Variants in KCNMB2 observed in about 807,000 individuals in gnomAD.
KCNMB2 encodes calcium-activated potassium channel subunit beta-2.
KCNMB2 carries 9 observed loss-of-function variants against 24.5 expected under a neutral mutation model. The ratio of observed to expected loss-of-function variants is 0.37; its 90% CI spans 0.22 to 0.64. KCNMB2 has a LOEUF of 0.64. Among genes scored for constraint, KCNMB2 ranks in the 30% least tolerant of loss-of-function variants. The pLI, the probability that KCNMB2 is intolerant of heterozygous loss-of-function variation, is 0.63. For missense variants in KCNMB2, 226 were observed against 284.3 expected (o/e 0.79, Z 1.47); for synonymous variants, 109 against 104.4 (o/e 1.04, Z -0.27).
intron 1 of KCNMB2, among the ~76,000 whole-genome samples, chr3:178,644,183 G>C (rs1231608486): frequency 6.6e-6 from 1 of 152,200 alleles, no homozygotes; most frequent in Non-Finnish European, 1.5e-5. Context: ...TTCCCAAGAA[G>C]GTGGTGCTTG....
At chr3:178,607,653 A>T (rs2169626) in intron 1 of KCNMB2, among the ~76,000 whole-genome samples, 2 of 143,328 alleles carry the variant, frequency 1.4e-5, no homozygotes, top group Non-Finnish European at 3.0e-5. Context: ...GTGTGTGTGT[A>T]TGTGTGCATA....
intron 1 of KCNMB2, among the ~76,000 whole-genome samples, chr3:178,608,239 G>A (rs982168279): frequency 6.6e-6 from 1 of 152,166 alleles, no homozygotes; most frequent in African/African-American, 2.4e-5. Context: ...GGATGCAAGA[G>A]CATTTTATAA....
In KCNMB2 at chr3:178,844,029, A is replaced by T. The variant is rs931903515; in HGVS notation, c.*1092A>T. On this transcript the variant is annotated 3_prime_UTR_variant, in exon 5 of 5. Transcript: ENST00000452583. ...TTTTGTTGTTATATTTTATACACAG[A>T]ATAGATCTTTTTTCTAACACATATT... 1 of 152,566 alleles carries T rather than the reference A, an allele frequency of 6.6e-6. No homozygotes were observed. Among genetic ancestry groups the T allele is most frequent in the African/African-American group, 2.4e-5 (1 of 41,456 alleles). 9.5% of individuals were successfully genotyped at this position (152,566 alleles called of 1,614,324 possible).
intron 1 of KCNMB2, among the ~76,000 whole-genome samples, chr3:178,555,273 T>G (rs1350655232): frequency 6.6e-6 from 1 of 152,232 alleles, no homozygotes; most frequent in Non-Finnish European, 1.5e-5. Context: ...GCAAAAAATT[T>G]TCTTCCCTGT....
At chr3:178,722,584 T>C (rs1440419608) in intron 1 of KCNMB2, among the ~76,000 whole-genome samples, 2 of 152,160 alleles carry the variant, frequency 1.3e-5, no homozygotes, top group African/African-American at 4.8e-5. Flanking sequence ...CCCTCATATA[T>C]TAGTCACCTC....
At chr3:178,692,268 T>TTTGCTTTTGTTGCAA (rs1347527044) in intron 1 of KCNMB2, among the ~76,000 whole-genome samples, 1 of 152,262 alleles carries the variant, frequency 6.6e-6, no homozygotes. Context: ...TTTGTCAATT[T>TTTGCTTTTGTTGCAA]TTGCTTTTGT....
intron 1 of KCNMB2, among the ~76,000 whole-genome samples, chr3:178,652,429 C>A (rs1469520323): frequency 6.6e-6 from 1 of 151,610 alleles, no homozygotes; most frequent in African/African-American, 2.4e-5. Context: ...AAAAAACCTG[C>A]ACGTTCTGCA....
intron 1 of KCNMB2, among the ~76,000 whole-genome samples, chr3:178,553,874 G>A (rs1029978228): frequency 5.9e-5 from 9 of 151,834 alleles, no homozygotes; most frequent in South Asian, 2.1e-4. Flanking sequence ...TGTTCATATC[G>A]GTTTTCCTAA....
intron 1 of KCNMB2, among the ~76,000 whole-genome samples, chr3:178,776,400 T>C (rs1280123413): frequency 1.3e-5 from 2 of 152,196 alleles, no homozygotes; most frequent in Non-Finnish European, 2.9e-5. Context: ...GGTTGGAGTA[T>C]GGCCATTACC....
intron 1 of KCNMB2, among the ~76,000 whole-genome samples, chr3:178,695,402 A>G (rs1721838695): frequency 6.6e-6 from 1 of 152,188 alleles, no homozygotes; most frequent in African/African-American, 2.4e-5. Flanking sequence ...TACTTATGCA[A>G]ATTTCTGCAT....
At chr3:178,603,044 A>G (rs28647239) in intron 1 of KCNMB2, among the ~76,000 whole-genome samples, 17,950 of 152,178 alleles carry the variant, frequency 0.12, 1,204 homozygotes, top group Middle Eastern at 0.24. Flanking sequence ...ATGGACTGTG[A>G]TCAAGGTGTA....
At chr3:178,804,654 T>C (rs1252082567) in intron 1 of KCNMB2, among the ~76,000 whole-genome samples, 1 of 152,226 alleles carries the variant, frequency 6.6e-6, no homozygotes. Context: ...TCTAAATGTA[T>C]TGAAATCACT....
At chr3:178,766,262 T>TA (rs200375893) in intron 1 of KCNMB2, among the ~76,000 whole-genome samples, 1,899 of 152,284 alleles carry the variant, frequency 0.012, 19 homozygotes, top group Middle Eastern at 0.085. Context: ...GATGCCATTA[T>TA]AGCGCCCTAT....
chr3:178,633,598 G>A (rs530701852), intron 1 of KCNMB2, among the ~76,000 whole-genome samples: 1 of 152,274 alleles, frequency 6.6e-6, no homozygotes, highest in South Asian at 2.1e-4. Flanking sequence ...CAGGGTGGGT[G>A]GGCACCTGTA....
intron 1 of KCNMB2, among the ~76,000 whole-genome samples, chr3:178,651,165 G>A (rs938024143): frequency 2.0e-5 from 3 of 151,882 alleles, no homozygotes; most frequent in Non-Finnish European, 2.9e-5. Context: ...AAACCCCATC[G>A]TCTCATCCCA....
At chr3:178,826,030 C>T (rs1316649171) in intron 3 of KCNMB2, among the ~76,000 whole-genome samples, 8 of 152,110 alleles carry the variant, frequency 5.3e-5, no homozygotes, top group South Asian at 2.1e-4. Context: ...ATTATAAAAA[C>T]GGCAAAACTG....
intron 4 of KCNMB2, among the ~76,000 whole-genome samples, chr3:178,835,382 C>T (rs1306381041): frequency 6.6e-6 from 1 of 152,098 alleles, no homozygotes; most frequent in African/African-American, 2.4e-5. Flanking sequence ...AAAAAAGTGA[C>T]AGTAAAGAGC....
At chr3:178,759,959 GAT>G (rs1236808963) in intron 1 of KCNMB2, among the ~76,000 whole-genome samples, 3 of 7,580 alleles carry the variant, frequency 4.0e-4, no homozygotes, top group Non-Finnish European at 5.9e-4. Flanking sequence ...TATCCAAGAG[GAT>G]ATATATATAT....
chr3:178,676,630 G>A (rs749987149), intron 1 of KCNMB2, among the ~76,000 whole-genome samples: 16 of 152,156 alleles, frequency 1.1e-4, no homozygotes, highest in Non-Finnish European at 1.8e-4. Flanking sequence ...CCCAGGTAAC[G>A]ATAATCCATA....
Sources: gnomAD v4.1 joint callset for allele counts (sites outside exome capture counted in the v4.1 genomes callset) on GRCh38, gnomAD v4.1.1 for gene constraint, MANE v1.5 for transcripts, NCBI Gene and HGNC (gene_info 2026-07-23, HGNC 2026-07-21) for gene names.